TRIM71: variants seen among roughly 807,000 people sequenced by gnomAD.
TRIM71 encodes the protein tripartite motif containing 71, also known as E3 ubiquitin-protein ligase TRIM71.
TRIM71 carries 9 observed loss-of-function variants against 61.2 expected under a neutral mutation model. That is an observed-to-expected ratio of 0.15 (90% CI 0.09 to 0.26). The LOEUF (loss-of-function observed/expected upper bound fraction) is 0.26. Among genes scored for constraint, TRIM71 ranks in the 10% least tolerant of loss-of-function variants. TRIM71 has a pLI of 1.00. For missense variants in TRIM71, 998 were observed against 1,238.7 expected (o/e 0.81, Z 2.92); for synonymous variants, 645 against 553.2 (o/e 1.17, Z -2.33).
intron 1 of TRIM71, among the ~76,000 whole-genome samples, chr3:32,847,091 G>A (rs993158011): frequency 2.0e-5 from 3 of 152,008 alleles, no homozygotes. Flanking sequence ...GAGTGCAGTG[G>A]CACCATCTCT....
chr3:32,839,671 G>A (rs1269583753), intron 1 of TRIM71, among the ~76,000 whole-genome samples: 1 of 120,420 alleles, frequency 8.3e-6, no homozygotes, highest in African/African-American at 3.1e-5. Context: ...TGGGGGGGGG[G>A]TGGGGGTGGG....
intron 2 of TRIM71, among the ~76,000 whole-genome samples, chr3:32,883,658 AT>A (rs1696931943): frequency 1.3e-5 from 2 of 152,326 alleles, no homozygotes; most frequent in East Asian, 3.9e-4. Flanking sequence ...CCTGGCCCAC[AT>A]TTAGTTGAGC....
intron 1 of TRIM71, among the ~76,000 whole-genome samples, chr3:32,863,122 C>G (rs897093209): frequency 2.0e-5 from 3 of 151,874 alleles, no homozygotes; most frequent in Non-Finnish European, 2.9e-5. Context: ...CCAAGCATCA[C>G]CCCCTCAACA....
chr3:32,824,104 G>A (rs2125673881), intron 1 of TRIM71, among the ~76,000 whole-genome samples: 1 of 152,124 alleles, frequency 6.6e-6, no homozygotes, highest in East Asian at 1.9e-4. Flanking sequence ...TTGAAGATTA[G>A]GTAAAAATTG....
rs1360549549 is a variant in TRIM71, at chr3:32,818,689, T to G, written c.609T>G (p.Asp203Glu). Residue 203 changes from aspartate (D) to glutamate (E), a missense_variant, in exon 1 of 4, where the codon GAT becomes GAG. Asp to Glu is a conservative substitution (Grantham distance 45). Coordinates refer to ENST00000383763, the MANE Select transcript of TRIM71 (RefSeq NM_001039111.3). ...LRRPHGCSSC[D>E]EGNAASSRCL... ...GTCCTCACGGCTGCAGCTCGTGCGA[T>G]GAGGGCAACGCAGCTTCTTCGCGCT... 1 of 1,569,220 alleles carries G rather than the reference T, an allele frequency of 6.4e-7. No individual in the cohort carries two copies. The highest frequency in any genetic ancestry group is 8.6e-7 in the Non-Finnish European group (1 of 1,165,782).
intron 2 of TRIM71, among the ~76,000 whole-genome samples, chr3:32,883,637 C>G (rs576743796): frequency 2.6e-5 from 4 of 152,336 alleles, no homozygotes; most frequent in African/African-American, 9.6e-5. Flanking sequence ...TATTTCCACA[C>G]AAGGTCACAT....
At chr3:32,861,505 G>A (rs1696667958) in intron 1 of TRIM71, among the ~76,000 whole-genome samples, 1 of 151,572 alleles carries the variant, frequency 6.6e-6, no homozygotes. Context: ...GGCCAAGGTG[G>A]GAGGAACACT....
In TRIM71 at chr3:32,829,652, T is replaced by TGTGTGTGTGTGTG. The variant is rs1575341635; in HGVS notation, c.852+10720_852+10721insGTGTGTGTGTGTG. On this transcript the variant is annotated intron_variant, in intron 1 of 3. Coordinates refer to ENST00000383763, the MANE Select transcript of TRIM71 (RefSeq NM_001039111.3). ...TGTGTGTGTGTGTGTGTGTGTGTGT[T>TGTGTGTGTGTGTG]TGTGTGTGCGTGTGTGTGCATTGGA... 1.7e-4 allele frequency among the ~76,000 whole-genome samples: 14 copies of TGTGTGTGTGTGTG among 81,874 alleles called. No individual in the cohort carries two copies. In the East Asian group the frequency reaches 4.4e-3, roughly 26 times the overall value. The allele number at this position is 81,874 out of a possible 152,430, so 53.7% of individuals were successfully genotyped here. A position where few individuals can be genotyped will look rare whatever the true frequency, so the allele number is the denominator to read the frequency against.
At chr3:32,859,829 A>G (rs1290238409) in intron 1 of TRIM71, among the ~76,000 whole-genome samples, 1 of 151,966 alleles carries the variant, frequency 6.6e-6, no homozygotes, top group Admixed American at 6.6e-5. Flanking sequence ...CTGGGACTTT[A>G]TTTCTGTCCT....
At chr3:32,862,733 T>C (rs763511457) in intron 1 of TRIM71, among the ~76,000 whole-genome samples, 10 of 152,198 alleles carry the variant, frequency 6.6e-5, no homozygotes, top group Non-Finnish European at 1.5e-4. Flanking sequence ...ACAAATCTCT[T>C]TTATTTGCTG....
rs773830851 is a variant in TRIM71, at chr3:32,818,877, C to G, written c.797C>G (p.Ser266Cys). The change falls in exon 1 of 4, where the codon TCC becomes TGC. Residue 266 changes from serine (S) to cysteine (C), a missense_variant. Physicochemically the swap from Ser to Cys is moderately radical, Grantham distance 112. This residue lies in a region of TRIM71 where 527 missense variants were observed against 427.8 expected (regional missense o/e 1.23). Coordinates refer to ENST00000383763, the MANE Select transcript of TRIM71 (RefSeq NM_001039111.3). The part of the protein sequence containing the change: ...LGPPFPGPPF[S>C]ILSVFPERLG... The stretch of plus-strand genomic sequence containing the variant: ...CCGCCCTTTCCCGGCCCGCCCTTCT[C>G]CATCCTCTCAGTGTTTCCCGAGCGC... The G allele has an allele frequency of 6.2e-7, 1 of 1,612,654 alleles. No homozygotes were observed. The highest frequency in any genetic ancestry group is 1.7e-5 in the Admixed American group (1 of 59,968).
At chr3:32,845,404 C>G (rs1483162379) in intron 1 of TRIM71, among the ~76,000 whole-genome samples, 1 of 152,200 alleles carries the variant, frequency 6.6e-6, no homozygotes, top group African/African-American at 2.4e-5. Context: ...CAGGAGTCCC[C>G]ACTGTCCCTC....
At chr3:32,828,215 C>T (rs943631399) in intron 1 of TRIM71, among the ~76,000 whole-genome samples, 29 of 151,830 alleles carry the variant, frequency 1.9e-4, no homozygotes, top group African/African-American at 6.3e-4. Context: ...TTAGGATTAT[C>T]AATAGATTTG....
At chr3:32,850,200 A>G (rs1261868952) in intron 1 of TRIM71, among the ~76,000 whole-genome samples, 2 of 152,110 alleles carry the variant, frequency 1.3e-5, no homozygotes, top group African/African-American at 4.8e-5. Flanking sequence ...TGGCAAATCT[A>G]GGGTTTTCTA....
intron 1 of TRIM71, among the ~76,000 whole-genome samples, chr3:32,849,713 AAGCC>A (rs1413424808): frequency 1.3e-5 from 2 of 152,218 alleles, no homozygotes; most frequent in African/African-American, 2.4e-5. Context: ...CCAGGTAAAC[AAGCC>A]TCCTTCCCCT....
chr3:32,846,561 T>A (rs1186957756), intron 1 of TRIM71, among the ~76,000 whole-genome samples: 1 of 152,182 alleles, frequency 6.6e-6, no homozygotes, highest in African/African-American at 2.4e-5. Flanking sequence ...ACAACTGTGG[T>A]CACCATGCTG....
chr3:32,825,389 TC>T (rs1336988203), intron 1 of TRIM71, among the ~76,000 whole-genome samples: 1 of 152,206 alleles, frequency 6.6e-6, no homozygotes, highest in African/African-American at 2.4e-5. Flanking sequence ...ATTAAATAAT[TC>T]TGTAGCTCTA....
Position 32,897,705 on chromosome 3 carries a change from G to A in TRIM71, c.*5894G>A, listed in dbSNP as rs1158055179. ...AGAAGGCTGGAGGAGGTAGCAAGGA[G>A]ATGCTGTATCAGCTACTACAGCCTT... On this transcript the variant is annotated 3_prime_UTR_variant, in exon 4 of 4. Coordinates refer to ENST00000383763, the MANE Select transcript of TRIM71 (RefSeq NM_001039111.3). The A allele has an allele frequency of 3.3e-5, 5 of 152,212 alleles. No individual in the cohort carries two copies. The highest frequency in any genetic ancestry group is 7.3e-5 in the Non-Finnish European group (5 of 68,046). The allele number at this position is 152,212 out of a possible 1,614,324, so 9.4% of individuals were successfully genotyped here. A position where few individuals can be genotyped will look rare whatever the true frequency, so the allele number is the denominator to read the frequency against.
chr3:32,885,591 G>A (rs1234478052), intron 2 of TRIM71, among the ~76,000 whole-genome samples: 4 of 152,200 alleles, frequency 2.6e-5, no homozygotes, highest in Admixed American at 2.6e-4. Context: ...TGTGTGGCTG[G>A]AGTTGTACAT....
Sources: gnomAD v4.1 joint callset for allele counts (sites outside exome capture counted in the v4.1 genomes callset) on GRCh38, gnomAD v4.1.1 for gene constraint, gnomAD v4.1.1 regional missense constraint, MANE v1.5 for transcripts, NCBI Gene and HGNC (gene_info 2026-07-23, HGNC 2026-07-21) for gene names.